Variants in RPS24 observed in about 807,000 individuals in gnomAD.
RPS24 encodes the protein ribosomal protein S24, also known as small ribosomal subunit protein eS24.
For missense variants in RPS24, 100 were observed against 162.5 expected, an observed-to-expected ratio of 0.62 and a Z score of 2.09; for synonymous variants, 72 against 55.6, an observed-to-expected ratio of 1.30 and a Z score of -1.31.
downstream of RPS24, among the ~76,000 whole-genome samples, chr10:78,043,843 G>T (rs903012214): frequency 6.6e-6 from 1 of 152,138 alleles, no homozygotes; most frequent in Admixed American, 6.6e-5. Context: ...GTCAACTGCA[G>T]TCTGGAAAAT....
rs553549051 is a variant in RPS24 at position 78,052,249 on chromosome 10, C to T, written c.391-2282C>T. On this transcript the variant is annotated intron_variant, in intron 4 of 4. Transcript: ENST00000440692. ...CCATGTTGGCCAGGCTGGTCTCGGA[C>T]TCCTGGCCTCAAGTGATCCACCTGC... Among the ~76,000 whole-genome samples the T allele has an allele frequency of 5.9e-5, 9 of 152,166 alleles. No individual in the cohort carries two copies. In the East Asian group the frequency reaches 1.5e-3, roughly 26 times the overall value.
chr10:78,035,717 A>G lies in RPS24; in HGVS notation c.276A>G (p.Ala92=). Residue 92 remains alanine, a synonymous_variant, in exon 3 of 6, where the codon GCA becomes GCG. Coordinates refer to ENST00000372360, the MANE Select transcript of RPS24 (RefSeq NM_033022.4). ...AAAATGAACCCAAACATAGACTTGC[A>G]AGAGTAGGTGTCTTTTCATTTGTTG... ...AKKNEPKHRL[A]RHGLYEKKKT... is the part of the protein sequence containing the mutation. 6.3e-7 allele frequency: 1 copy of G among 1,598,646 alleles called. No individual in the cohort carries two copies.
Position 78,040,606 on chromosome 10 carries a change from G to A in RPS24, c.*20-9G>A. 6.2e-7 allele frequency: 1 copy of A among 1,611,550 alleles called. No individual in the cohort carries two copies. Among genetic ancestry groups the A allele is most frequent in the Non-Finnish European group, 8.5e-7 (1 of 1,177,640 alleles). On this transcript the variant is annotated splice_polypyrimidine_tract_variant and intron_variant, in intron 5 of 5. Coordinates refer to ENST00000372360, the MANE Select transcript of RPS24 (RefSeq NM_033022.4). The stretch of plus-strand genomic sequence containing the variant: ...GTTGTTGACTAAACTTCTTTCTCTT[G>A]ATTCACAGCCGAAGGAGTAAAGGTG...
intron 3 of RPS24, chr10:78,036,327 G>T (rs755410170): frequency 4.8e-4 from 77 of 159,864 alleles, no homozygotes; most frequent in Admixed American, 6.4e-4. Context: ...TTTAGAGAGA[G>T]AGTTTAGCTC....
At chr10:78,047,424 GTGAAA>G (rs1305404760) in intron 4 of RPS24, among the ~76,000 whole-genome samples, 1 of 152,106 alleles carries the variant, frequency 6.6e-6, no homozygotes, top group Non-Finnish European at 1.5e-5. Flanking sequence ...TTTTCACTTG[GTGAAA>G]TAAAGACGTG....
At chr10:78,054,648 G>A (rs1056787076) in exon 5 of RPS24, 1 of 1,551,730 alleles carries the variant, frequency 6.4e-7, no homozygotes, top group East Asian at 2.4e-5. Flanking sequence ...GCAGGTAGAA[G>A]TGCCAGGACC....
intron 4 of RPS24, among the ~76,000 whole-genome samples, chr10:78,045,909 C>T (rs931772866): frequency 2.6e-5 from 4 of 151,788 alleles, no homozygotes; most frequent in African/African-American, 9.7e-5. Context: ...GGTGGAGGCA[C>T]GAGAATTGCT....
At chr10:78,050,961 C>T (rs774824813) in intron 4 of RPS24, among the ~76,000 whole-genome samples, 6 of 152,084 alleles carry the variant, frequency 3.9e-5, no homozygotes, top group African/African-American at 9.7e-5. Flanking sequence ...GAGGCTGAGG[C>T]GAGCAGATCA....
At chr10:78,043,978 A>G (rs768317540), downstream of RPS24, among the ~76,000 whole-genome samples, 8 of 152,170 alleles carry the variant, frequency 5.3e-5, no homozygotes, top group Non-Finnish European at 1.2e-4. Flanking sequence ...CCTTCCACAT[A>G]GGCATTTTAT....
intron 4 of RPS24, chr10:78,039,228 G>A (rs1847939862): frequency 6.6e-6 from 1 of 152,240 alleles, no homozygotes; most frequent in African/African-American, 2.4e-5. Flanking sequence ...GTTGAGAGAA[G>A]TTGCAAAAAG....
chr10:78,041,000 A>G (rs1564630663), downstream of RPS24, among the ~76,000 whole-genome samples: 1 of 151,816 alleles, frequency 6.6e-6, no homozygotes, highest in African/African-American at 2.4e-5. Context: ...GCTCGAGGCT[A>G]CAGTGAGGTG....
At chr10:78,043,962 C>T (rs774927383), downstream of RPS24, among the ~76,000 whole-genome samples, 1 of 107,626 alleles carries the variant, frequency 9.3e-6, no homozygotes, top group African/African-American at 9.8e-5. Context: ...CATTTACCTC[C>T]CTCTCCCTTC....
At chr10:78,053,354 G>T (rs1243324479) in intron 4 of RPS24, among the ~76,000 whole-genome samples, 1 of 152,018 alleles carries the variant, frequency 6.6e-6, no homozygotes, top group Non-Finnish European at 1.5e-5. Flanking sequence ...GGGGTTTTAG[G>T]GTTTCCTTGA....
At chr10:78,054,408 T>C in intron 4 of RPS24, 1 of 919,790 alleles carries the variant, frequency 1.1e-6, no homozygotes, top group Non-Finnish European at 1.6e-6. Context: ...CTCTGACTGC[T>C]GCTGATCTTC....
exon 5 of RPS24, chr10:78,054,875 A>G (rs1848135655): frequency 2.6e-6 from 4 of 1,547,794 alleles, no homozygotes; most frequent in Non-Finnish European, 3.5e-6. Flanking sequence ...TCCACTTGCC[A>G]GAAGCCTTGT....
At chr10:78,053,174 C>T (rs1245936578) in intron 4 of RPS24, among the ~76,000 whole-genome samples, 1 of 103,566 alleles carries the variant, frequency 9.7e-6, no homozygotes. Flanking sequence ...ACAAAAACAA[C>T]AACAACAACA....
chr10:78,038,753 C>T (rs1051404588), intron 4 of RPS24: 32 of 152,180 alleles, frequency 2.1e-4, no homozygotes, highest in African/African-American at 7.5e-4. Context: ...GATTCTCCCA[C>T]CTCAGCCTCC....
chr10:78,052,765 G>A (rs1848112213), intron 4 of RPS24, among the ~76,000 whole-genome samples: 1 of 152,162 alleles, frequency 6.6e-6, no homozygotes, highest in East Asian at 1.9e-4. Context: ...TTGGTCAAGG[G>A]CTATCATGTG....
intron 1 of RPS24, chr10:78,034,169 C>G: frequency 6.5e-5 from 6 of 91,756 alleles, no homozygotes; most frequent in South Asian, 2.4e-4. Flanking sequence ...TCGTGGAGCA[C>G]GGTGGATGGG....
Sources: allele counts gnomAD v4.1 joint callset (sites outside exome capture counted in the v4.1 genomes callset), GRCh38; gene constraint gnomAD v4.1.1; transcripts MANE v1.5; gene names NCBI Gene and HGNC (gene_info 2026-07-23, HGNC 2026-07-21).